Variants in ZDHHC1 observed in about 807,000 individuals in gnomAD.
ZDHHC1 encodes the protein palmitoyltransferase ZDHHC1.
Under a neutral mutation model 46.9 loss-of-function variants are expected in ZDHHC1, and 45 were observed. The observed-to-expected ratio is 0.96, with a 90% confidence interval of 0.76 to 1.23. The LOEUF (loss-of-function observed/expected upper bound fraction) is 1.23. Among genes scored for constraint, ZDHHC1 ranks in the 50% most tolerant of loss-of-function variants. ZDHHC1 has a pLI of 0.00. For synonymous variants in ZDHHC1, 291 were observed against 286.0 expected (o/e 1.02, Z -0.18); for missense variants, 649 against 670.8 (o/e 0.97, Z 0.36).
At chr16:67,402,083 A>G (rs188001289) in intron 3 of ZDHHC1, among the ~76,000 whole-genome samples, 1 of 152,260 alleles carries the variant, frequency 6.6e-6, no homozygotes, top group East Asian at 1.9e-4. Flanking sequence ...ATTTCTCTAC[A>G]TATCTGCATA....
At chr16:67,397,628 C>T (rs531769688) in intron 8 of ZDHHC1, among the ~76,000 whole-genome samples, 13 of 152,282 alleles carry the variant, frequency 8.5e-5, no homozygotes, top group African/African-American at 3.1e-4. Flanking sequence ...GCTCCTTTGA[C>T]GACTGGATCA....
At chr16:67,415,613 C>T (rs1357280863) in intron 1 of ZDHHC1, among the ~76,000 whole-genome samples, 7 of 151,818 alleles carry the variant, frequency 4.6e-5, no homozygotes, top group Admixed American at 3.9e-4. Context: ...AAAACTTAGC[C>T]GGGCGTGGCG....
intron 3 of ZDHHC1, chr16:67,404,325 C>T (rs902664791): frequency 4.1e-5 from 8 of 196,014 alleles, no homozygotes; most frequent in Admixed American, 1.0e-4. Flanking sequence ...TACCATGTGG[C>T]GTGATCACCA....
intron 1 of ZDHHC1, among the ~76,000 whole-genome samples, chr16:67,408,653 T>A (rs2040703334): frequency 6.6e-6 from 1 of 151,780 alleles, no homozygotes; most frequent in African/African-American, 2.4e-5. Context: ...TGCCTAGCTA[T>A]TTATTTTTTA....
intron 1 of ZDHHC1, among the ~76,000 whole-genome samples, chr16:67,412,231 C>A (rs2040759079): frequency 6.6e-6 from 1 of 152,026 alleles, no homozygotes; most frequent in Non-Finnish European, 1.5e-5. Flanking sequence ...AGGAATGAGA[C>A]CTAGTGGTCC....
intron 1 of ZDHHC1, among the ~76,000 whole-genome samples, chr16:67,411,731 GA>G (rs937485968): frequency 2.0e-5 from 3 of 151,142 alleles, no homozygotes; most frequent in Admixed American, 6.6e-5. Context: ...GATAAAAAAA[GA>G]AAAAAAAGGG....
At chr16:67,399,556 G>GC in intron 4 of ZDHHC1, 100 bp from the exon 5 acceptor site, 2 of 981,592 alleles carry the variant, frequency 2.0e-6, no homozygotes, top group South Asian at 3.3e-5. Flanking sequence ...GGGACCAAGC[G>GC]CCAGGCCTGA....
chr16:67,411,838 C>T (rs1465160234), intron 1 of ZDHHC1, among the ~76,000 whole-genome samples: 4 of 152,292 alleles, frequency 2.6e-5, no homozygotes, highest in South Asian at 2.1e-4. Context: ...GGGGGCCGGG[C>T]GCGGTGGCTC....
rs117798885 is a variant in ZDHHC1 at position 67,403,962 on chromosome 16, C to A, written c.252+2238G>T. On this transcript the variant is annotated intron_variant, in intron 3 of 11. Coordinates refer to ENST00000565726, the MANE Select transcript of ZDHHC1 (RefSeq NM_001323627.2). ...GAAGAAACCATTAGAAATCTTGGAG[C>A]TGGGGCGCAACATTATCAGATTTGG... Among the ~76,000 whole-genome samples the A allele has an allele frequency of 4.0e-4, 61 of 152,166 alleles. 1 individual carries two copies. The East Asian group carries it at 0.011, about 28-fold the overall frequency.
At chr16:67,399,716 T>A (rs1473341267) in intron 4 of ZDHHC1, among the ~76,000 whole-genome samples, 1 of 152,018 alleles carries the variant, frequency 6.6e-6, no homozygotes, top group Non-Finnish European at 1.5e-5. Flanking sequence ...GCTCTGGGAT[T>A]GTGCGCCTAG....
At position 67,399,517 on chromosome 16, in the gene ZDHHC1, G is replaced by C; in HGVS notation, c.429-61C>G. Reference sequence around the variant, plus strand: ...TCATTCCCCGCTCTGCGGCCCGGCCGGTCGGGGTGGTTGAGTGGGGTCTGT... The same window carrying C: ...TCATTCCCCGCTCTGCGGCCCGGCCCGTCGGGGTGGTTGAGTGGGGTCTGT... On this transcript the variant is annotated intron_variant, in intron 4 of 11. Transcript: ENST00000565726. The C allele has an allele frequency of 2.1e-6, 3 of 1,444,774 alleles. No homozygotes were observed. In the African/African-American group the frequency reaches 4.2e-5, roughly 20 times the overall value. 89.5% of individuals were successfully genotyped at this position (1,444,774 alleles called of 1,614,324 possible).
At chr16:67,402,894 C>T (rs1283448701) in intron 3 of ZDHHC1, among the ~76,000 whole-genome samples, 7 of 152,212 alleles carry the variant, frequency 4.6e-5, no homozygotes, top group Admixed American at 4.6e-4. Context: ...TCCCAAAGTG[C>T]AGGGATTATA....
intron 2 of ZDHHC1, 128 bp downstream of exon 2, chr16:67,407,639 T>G: frequency 1.4e-6 from 1 of 723,008 alleles, no homozygotes; most frequent in South Asian, 1.5e-5. Flanking sequence ...CTTTGCCATT[T>G]GGGACGCTTT....
rs762191085 is a variant in ZDHHC1, at chr16:67,398,883, T to C, written c.592A>G (p.Thr198Ala). The C allele has an allele frequency of 1.3e-5, 21 of 1,613,246 alleles. No homozygotes were observed. The highest frequency in any genetic ancestry group is 1.8e-5 in the Non-Finnish European group (21 of 1,179,700). The change falls in exon 6 of 12, where the codon ACA becomes GCA. Residue 198 changes from threonine (T) to alanine (A), a missense_variant. Thr to Ala is a moderately conservative substitution (Grantham distance 58). Transcript: ENST00000565726. ...ACAAAGAACTCCACGAAGACATATGTGGCCACCAGCACCAGGAGCAGGACG... is the reference window on the plus strand; with the variant it reads ...ACAAAGAACTCCACGAAGACATATGCGGCCACCAGCACCAGGAGCAGGACG... ...LGVLLLVLVA[T>A]YVFVEFFVNP...
intron 8 of ZDHHC1, chr16:67,395,835 C>G: frequency 2.1e-6 from 1 of 480,958 alleles, no homozygotes; most frequent in Non-Finnish European, 3.8e-6. Context: ...GGTCTATAGG[C>G]CCAGTTTAGA....
chr16:67,414,505 C>A (rs1010004550), intron 1 of ZDHHC1, among the ~76,000 whole-genome samples: 1 of 152,218 alleles, frequency 6.6e-6, no homozygotes, highest in Non-Finnish European at 1.5e-5. Flanking sequence ...CGCTCTCCTA[C>A]AGTGTTTGCA....
In ZDHHC1 at chr16:67,401,148, A is replaced by G. The variant is rs369128548; in HGVS notation, c.253-16T>C. Reference sequence around the variant, plus strand: ...CGCCCATGCACTGGCCCAGCAGGTTAAAGACTCACTCCACTCTGCCGGCTG... The same window carrying G: ...CGCCCATGCACTGGCCCAGCAGGTTGAAGACTCACTCCACTCTGCCGGCTG... On this transcript the variant is annotated splice_polypyrimidine_tract_variant and intron_variant, in intron 3 of 11. Coordinates refer to ENST00000565726, the MANE Select transcript of ZDHHC1 (RefSeq NM_001323627.2). The surrounding 1 kb of genome is among the most constrained non-coding windows in gnomAD (Gnocchi z 4.6). 1.2e-5 allele frequency: 19 copies of G among 1,612,254 alleles called. No individual in the cohort carries two copies. The African/African-American group carries it at 1.3e-4, about 11-fold the overall frequency.
chr16:67,403,331 C>T (rs2142242591), intron 3 of ZDHHC1, among the ~76,000 whole-genome samples: 1 of 152,268 alleles, frequency 6.6e-6, no homozygotes, highest in South Asian at 2.1e-4. Flanking sequence ...AAAAAACATG[C>T]CTATAGAAGG....
chr16:67,410,244 C>T (rs1462786343), intron 1 of ZDHHC1, among the ~76,000 whole-genome samples: 2 of 152,162 alleles, frequency 1.3e-5, no homozygotes, highest in African/African-American at 4.8e-5. Flanking sequence ...GCAGGGAGCC[C>T]AGCAGCCCTG....
Sources: allele counts gnomAD v4.1 joint callset (sites outside exome capture counted in the v4.1 genomes callset), GRCh38; gene constraint gnomAD v4.1.1; non-coding constraint Gnocchi (gnomAD v3.1); transcripts MANE v1.5; gene names NCBI Gene and HGNC (gene_info 2026-07-23, HGNC 2026-07-21).